ANO1: variants seen among roughly 807,000 people sequenced by gnomAD.
ANO1 encodes the protein anoctamin 1.
In ANO1, 59 loss-of-function variants were observed where a neutral mutation model predicts 124.0. The observed-to-expected ratio is 0.48, with a 90% confidence interval of 0.39 to 0.59. The LOEUF (loss-of-function observed/expected upper bound fraction) is 0.59, where lower values mean the gene tolerates loss of function less well. Among genes scored for constraint, ANO1 ranks in the 20% least tolerant of loss-of-function variants. ANO1 has a pLI of 0.00. For missense variants in ANO1, 1,059 were observed against 1,328.0 expected, an observed-to-expected ratio of 0.80 and a Z score of 3.15; for synonymous variants, 529 against 532.0, an observed-to-expected ratio of 0.99 and a Z score of 0.08.
At chr11:70,173,826 G>A (rs1204074350) in intron 22 of ANO1, among the ~76,000 whole-genome samples, 1 of 152,146 alleles carries the variant, frequency 6.6e-6, no homozygotes, top group African/African-American at 2.4e-5. Flanking sequence ...CGACGCAGGT[G>A]GATCACCTGA....
upstream of ANO1, among the ~76,000 whole-genome samples, chr11:70,076,271 C>A (rs1215389603): frequency 1.3e-5 from 2 of 152,114 alleles, no homozygotes; most frequent in Non-Finnish European, 2.9e-5. Context: ...TTGAGTAAAG[C>A]CGCAAGGGGT....
intron 25 of ANO1, among the ~76,000 whole-genome samples, chr11:70,186,358 GGA>G (rs2049123319): frequency 1.3e-4 from 15 of 114,486 alleles, no homozygotes; most frequent in African/African-American, 4.0e-4. Flanking sequence ...GAGGGAGGAA[GGA>G]AGGAAGGAAG....
chr11:70,154,160 A>T (rs1236190209), intron 14 of ANO1, among the ~76,000 whole-genome samples: 1 of 152,162 alleles, frequency 6.6e-6, no homozygotes, highest in Non-Finnish European at 1.5e-5. Context: ...AGATGCCCGC[A>T]CTGACCCTTG....
chr11:70,108,708 G>C (rs1348625738), intron 6 of ANO1, among the ~76,000 whole-genome samples: 1 of 152,190 alleles, frequency 6.6e-6, no homozygotes, highest in Admixed American at 6.5e-5. Flanking sequence ...AGGGATGACC[G>C]GGGGATTCCT....
At chr11:70,046,573 A>T (rs1857262575) in intron 1 of ANO1, among the ~76,000 whole-genome samples, 1 of 152,152 alleles carries the variant, frequency 6.6e-6, no homozygotes, top group Non-Finnish European at 1.5e-5. Context: ...CCGGCCACTG[A>T]GAGAAGTGGC....
intron 11 of ANO1, among the ~76,000 whole-genome samples, chr11:70,143,114 C>T (rs908434612): frequency 2.6e-5 from 4 of 152,154 alleles, no homozygotes; most frequent in Non-Finnish European, 5.9e-5. Flanking sequence ...GTGACTGTGC[C>T]CTGCCTGCTT....
chr11:69,993,572 T>C (rs1856198142), intron 1 of ANO1, among the ~76,000 whole-genome samples: 1 of 152,198 alleles, frequency 6.6e-6, no homozygotes, highest in African/African-American at 2.4e-5. Flanking sequence ...CAGCTCGGTC[T>C]TCAGATCTCC....
intron 2 of ANO1, among the ~76,000 whole-genome samples, chr11:70,095,259 G>GGAAGGAAGGAAGGAAGGAAAGAAA (rs2044809487): frequency 1.8e-5 from 1 of 56,342 alleles, no homozygotes; most frequent in African/African-American, 7.6e-5. Context: ...AAGGAAGGAA[G>GGAAGGAAGGAAGGAAGGAAAGAAA]GAAGGAAGGA....
intron 1 of ANO1, among the ~76,000 whole-genome samples, chr11:70,049,297 G>C (rs1555006037): frequency 6.6e-6 from 1 of 152,196 alleles, no homozygotes; most frequent in Non-Finnish European, 1.5e-5. Flanking sequence ...CTTTGCAGTT[G>C]ACAGATCAGG....
In ANO1 at chr11:70,099,628, C is replaced by T. The variant is rs12796703; in HGVS notation, c.442-3438C>T. On this transcript the variant is annotated intron_variant, in intron 2 of 25. Coordinates refer to ENST00000355303, the MANE Select transcript of ANO1 (RefSeq NM_018043.7). Reference sequence around the variant, plus strand: ...ACCAGGATGGAAGACCTCCACCTCTCCAGCCTCAGTGCCCTCCGTGGCTCC... The same window carrying T: ...ACCAGGATGGAAGACCTCCACCTCTTCAGCCTCAGTGCCCTCCGTGGCTCC... Among the ~76,000 whole-genome samples the T allele has an allele frequency of 6.8e-3, 1,038 of 152,200 alleles. 6 individuals carry two copies. Among genetic ancestry groups the T allele is most frequent in the South Asian group, 0.011 (53 of 4,820 alleles).
rs752059679 is a variant in ANO1 at position 70,180,056 on chromosome 11, T to C, written c.2403T>C (p.Asn801=). The C allele has an allele frequency of 1.2e-5, 20 of 1,612,312 alleles. No individual in the cohort carries two copies. The South Asian group carries it at 2.2e-4, about 18-fold the overall frequency. ...TTGGGAAGCTTGCTGTCATCATCAA[T>C]GTAAGTGACATCAGGGACCTTGGCA... ...RGIGKLAVII[N]AFVISFTSDF... The change falls in exon 23 of 26, where the codon AAT becomes AAC. Residue 801 remains asparagine, a splice_region_variant and synonymous_variant. Transcript: ENST00000355303.
At chr11:70,152,572 C>A in intron 13 of ANO1, 111 bp downstream of exon 13, 4 of 1,287,406 alleles carry the variant, frequency 3.1e-6, no homozygotes, top group Non-Finnish European at 4.4e-6. Context: ...AGTTCCTCCA[C>A]GCGGGTGGGG....
intron 11 of ANO1, among the ~76,000 whole-genome samples, chr11:70,141,187 T>C (rs557449054): frequency 8.3e-4 from 126 of 152,280 alleles, no homozygotes; most frequent in Admixed American, 4.1e-3. Flanking sequence ...GCAGGGGACA[T>C]GTAGGCGTAG....
intron 8 of ANO1, among the ~76,000 whole-genome samples, chr11:70,118,615 T>TGG (rs1565218198): frequency 8.1e-5 from 10 of 123,446 alleles, no homozygotes; most frequent in Admixed American, 3.8e-4. Context: ...GATGGATGGA[T>TGG]AGATTATGGA....
At chr11:69,998,716 G>A (rs1296317211) in intron 1 of ANO1, among the ~76,000 whole-genome samples, 2 of 152,160 alleles carry the variant, frequency 1.3e-5, no homozygotes, top group Non-Finnish European at 2.9e-5. Context: ...GGGTGGCTGA[G>A]GCAGGTGGTT....
At position 70,188,128 on chromosome 11, in the gene ANO1, G is replaced by A. The variant is rs376401478; in HGVS notation, c.*124G>A. On this transcript the variant is annotated 3_prime_UTR_variant, in exon 26 of 26. Coordinates refer to ENST00000355303, the MANE Select transcript of ANO1 (RefSeq NM_018043.7). ...TCCTGGGTTTTCTGCAAACATGGAG[G>A]ACCACTTTCTGATAGGACATTTTCC... 8.8e-7 allele frequency: 1 copy of A among 1,133,278 alleles called. No homozygotes were observed. The highest frequency in any genetic ancestry group is 1.6e-5 in the African/African-American group (1 of 63,732). 70.2% of individuals were successfully genotyped at this position (1,133,278 alleles called of 1,614,324 possible).
chr11:69,971,122 T>C, the ANO1 span, among the ~76,000 whole-genome samples: 1 of 152,328 alleles, frequency 6.6e-6, no homozygotes. Flanking sequence ...ACTGTCAGTC[T>C]GTGACACAGG....
chr11:70,112,227 G>A (rs2045813034), intron 7 of ANO1, among the ~76,000 whole-genome samples: 1 of 152,152 alleles, frequency 6.6e-6, no homozygotes, highest in Non-Finnish European at 1.5e-5. Flanking sequence ...GACTTGGGGT[G>A]GAGAGAGAGA....
At chr11:70,101,724 C>T (rs954603023) in intron 2 of ANO1, among the ~76,000 whole-genome samples, 3 of 152,168 alleles carry the variant, frequency 2.0e-5, no homozygotes, top group Non-Finnish European at 2.9e-5. Flanking sequence ...GAGCCTGCAC[C>T]TGGTCGCTCT....
Sources: allele counts gnomAD v4.1 joint callset (sites outside exome capture counted in the v4.1 genomes callset), GRCh38; gene constraint gnomAD v4.1.1; transcripts MANE v1.5; gene names NCBI Gene and HGNC (gene_info 2026-07-23, HGNC 2026-07-21).